Variants in BBOX1 observed in about 807,000 individuals in gnomAD.
The protein encoded by BBOX1 is gamma-butyrobetaine dioxygenase.
BBOX1 carries 35 observed loss-of-function variants against 41.6 expected under a neutral mutation model. That is an observed-to-expected ratio of 0.84 (90% CI 0.64 to 1.11). BBOX1 has a LOEUF of 1.11. Ranked by LOEUF, BBOX1 falls within the 50% of genes most tolerant of loss-of-function variation. BBOX1 has a pLI of 0.00. For synonymous variants in BBOX1, 163 were observed against 154.7 expected (o/e 1.05, Z -0.40); for missense variants, 458 against 460.6 (o/e 0.99, Z 0.05).
At chr11:27,043,035 G>T (rs1341302572) in intron 2 of BBOX1, among the ~76,000 whole-genome samples, 2 of 152,048 alleles carry the variant, frequency 1.3e-5, no homozygotes, top group Non-Finnish European at 2.9e-5. Flanking sequence ...CAACAATCTT[G>T]AGATTTAGCT....
chr11:27,105,093 G>A (rs949449499), intron 5 of BBOX1, among the ~76,000 whole-genome samples: 5 of 152,250 alleles, frequency 3.3e-5, no homozygotes, highest in South Asian at 4.1e-4. Flanking sequence ...CCATCTGTAC[G>A]TCACCATCAT....
rs190293682 is a variant in BBOX1 at position 27,091,163 on chromosome 11, C to T, written c.335-2005C>T. ...ATCTTCACAATTTATGTTCCTCTGCCGCAGCTTCAGCCAGTCCCTCCATTC... is the reference window on the plus strand; with the variant it reads ...ATCTTCACAATTTATGTTCCTCTGCTGCAGCTTCAGCCAGTCCCTCCATTC... On this transcript the variant is annotated intron_variant, in intron 4 of 8. Transcript: ENST00000263182. Among the ~76,000 whole-genome samples, 67 of 151,998 alleles carry T rather than the reference C, an allele frequency of 4.4e-4. No homozygotes were observed. In the South Asian group the frequency reaches 4.8e-3, roughly 11 times the overall value.
Position 27,057,063 on chromosome 11 carries a change from T to TAAAAAAAAAAAAAAAAAAAAAAAA in BBOX1, c.220-138_220-137insAAAAAAAAAAAAAAAAAAAAAAAA, listed in dbSNP as rs1459422645. 412 of 149,648 alleles carry TAAAAAAAAAAAAAAAAAAAAAAAA rather than the reference T, an allele frequency of 2.8e-3. 151 individuals are homozygous for TAAAAAAAAAAAAAAAAAAAAAAAA. Among genetic ancestry groups the TAAAAAAAAAAAAAAAAAAAAAAAA allele is most frequent in the Admixed American group, 4.0e-3 (21 of 5,304 alleles). 9.3% of individuals were successfully genotyped at this position (149,648 alleles called of 1,614,324 possible). ...CCTGGCAACAGAGGAAGACTCCGACTTAAAAAAAAAAAAAAAAAAAAATTA... is the reference window on the plus strand; with the variant it reads ...CCTGGCAACAGAGGAAGACTCCGACTAAAAAAAAAAAAAAAAAAAAAAAATAAAAAAAAAAAAAAAAAAAAATTA... On this transcript the variant is annotated intron_variant, in intron 3 of 8. Transcript: ENST00000263182.
intron 4 of BBOX1, among the ~76,000 whole-genome samples, chr11:27,074,809 G>A (rs891298615): frequency 9.2e-5 from 14 of 152,190 alleles, no homozygotes; most frequent in Admixed American, 3.3e-4. Flanking sequence ...ACTTTAAAAT[G>A]ATCTCCTTTG....
At position 27,067,426 on chromosome 11, in the gene BBOX1, C is replaced by T. The variant is rs540895721; in HGVS notation, c.334+10111C>T. Among the ~76,000 whole-genome samples, 5 of 152,046 alleles carry T rather than the reference C, an allele frequency of 3.3e-5. No individual in the cohort carries two copies. In the East Asian group the frequency reaches 9.8e-4, roughly 30 times the overall value. On this transcript the variant is annotated intron_variant, in intron 4 of 8. Transcript: ENST00000263182. ...GTCCATTATACCACCACTCTGCTTG[C>T]TTTTGCATACCCATAGTTGAGCTCC...
intron 6 of BBOX1, among the ~76,000 whole-genome samples, chr11:27,117,971 C>T (rs968700931): frequency 1.3e-5 from 2 of 151,946 alleles, no homozygotes; most frequent in Non-Finnish European, 2.9e-5. Flanking sequence ...TTTTCTGTCA[C>T]ACCACACTGA....
intron 2 of BBOX1, among the ~76,000 whole-genome samples, chr11:27,054,009 G>A (rs1856894848): frequency 6.6e-6 from 1 of 152,096 alleles, no homozygotes; most frequent in African/African-American, 2.4e-5. Context: ...ATGATCTGAG[G>A]AAGCATATGT....
chr11:27,050,516 T>G (rs369578372), intron 2 of BBOX1, among the ~76,000 whole-genome samples: 3 of 152,158 alleles, frequency 2.0e-5, no homozygotes, highest in African/African-American at 7.2e-5. Context: ...TGTGTCTCAT[T>G]TAATTTTTTT....
At chr11:27,074,673 C>G (rs533217673) in intron 4 of BBOX1, among the ~76,000 whole-genome samples, 8 of 152,138 alleles carry the variant, frequency 5.3e-5, no homozygotes, top group African/African-American at 1.9e-4. Flanking sequence ...CAAGATGTGA[C>G]CTGGCTGTTT....
At chr11:27,075,327 A>G (rs1329303093) in intron 4 of BBOX1, among the ~76,000 whole-genome samples, 1 of 152,052 alleles carries the variant, frequency 6.6e-6, no homozygotes, top group Non-Finnish European at 1.5e-5. Flanking sequence ...ACTGTCTCTT[A>G]TGAGGTTGGA....
chr11:27,097,147 G>T (rs879773535), intron 5 of BBOX1, among the ~76,000 whole-genome samples: 2 of 151,654 alleles, frequency 1.3e-5, no homozygotes, highest in African/African-American at 4.9e-5. Context: ...AACCTTTCGA[G>T]AATTTAAAGC....
chr11:27,103,892 T>C (rs1469832278), intron 5 of BBOX1, among the ~76,000 whole-genome samples: 1 of 152,128 alleles, frequency 6.6e-6, no homozygotes, highest in Non-Finnish European at 1.5e-5. Flanking sequence ...TAATTTTACG[T>C]TAAACTTGTT....
chr11:27,064,093 C>T (rs61130046), intron 4 of BBOX1, among the ~76,000 whole-genome samples: 2,158 of 152,222 alleles, frequency 0.014, 46 homozygotes, highest in African/African-American at 0.047. Flanking sequence ...TACATCCATT[C>T]TTGAATTCTC....
chr11:27,062,591 CCT>C lies in BBOX1; in HGVS notation c.334+5279_334+5280del, dbSNP rs536470769. ...TCTTTTTTTTTTGAGACGGAGTCTT[CCT>C]CTGTCACCAGGCTAGAGTGCAGTGG... On this transcript the variant is annotated intron_variant, in intron 4 of 8. Coordinates refer to ENST00000263182, the MANE Select transcript of BBOX1 (RefSeq NM_003986.3). Among the ~76,000 whole-genome samples the C allele has an allele frequency of 1.1e-4, 16 of 151,156 alleles. 1 individual carries two copies. The South Asian group carries it at 3.1e-3, about 29-fold the overall frequency.
Position 27,119,683 on chromosome 11 carries a change from CA to C in BBOX1, c.675del (p.Gly227ValfsTer6), listed in dbSNP as rs1176198932. ...CTTCACTGCATAAAGCAAACAGTCA[CA>C]GGGGGTGATTCAGAAATTGTAGATG... ...QLLHCIKQTV[T>X]GGDSEIVDGF... is the part of the protein sequence containing the mutation. On this transcript the variant is annotated frameshift_variant, in exon 7 of 9. Transcript: ENST00000263182. LOFTEE classifies it high-confidence loss of function. 7.7e-6 allele frequency: 12 copies of C among 1,562,492 alleles called. No individual in the cohort carries two copies. The highest frequency in any genetic ancestry group is 2.8e-5 in the African/African-American group (2 of 72,344).
intron 4 of BBOX1, among the ~76,000 whole-genome samples, chr11:27,088,185 T>C (rs2015372): frequency 0.33 from 49,738 of 151,932 alleles, 10,315 homozygotes; most frequent in African/African-American, 0.59. Flanking sequence ...CCTAATCAGA[T>C]GCTTCACTTC....
chr11:27,111,391 G>T (rs1258955092), intron 5 of BBOX1, among the ~76,000 whole-genome samples: 2 of 151,912 alleles, frequency 1.3e-5, no homozygotes. Flanking sequence ...TACCCATTGG[G>T]TACTATGCTC....
chr11:27,083,845 T>C lies in BBOX1; in HGVS notation c.335-9323T>C, dbSNP rs1857938951. On this transcript the variant is annotated intron_variant, in intron 4 of 8. Transcript: ENST00000263182. Reference sequence around the variant, plus strand: ...AAATGTGTTGTATGAGTGAAAGATTTCAACATAACATAATGAGGACTGGGA... The same window carrying C: ...AAATGTGTTGTATGAGTGAAAGATTCCAACATAACATAATGAGGACTGGGA... Among the ~76,000 whole-genome samples the C allele has an allele frequency of 3.9e-5, 6 of 152,232 alleles. No homozygotes were observed. The South Asian group carries it at 1.2e-3, about 32-fold the overall frequency.
intron 4 of BBOX1, among the ~76,000 whole-genome samples, chr11:27,070,094 A>G (rs10835110): frequency 0.41 from 62,028 of 151,896 alleles, 13,249 homozygotes; most frequent in African/African-American, 0.55. Context: ...TTTTGGAGTT[A>G]ATTTCCAGTT....
Sources: gnomAD v4.1 joint callset for allele counts (sites outside exome capture counted in the v4.1 genomes callset) on GRCh38, gnomAD v4.1.1 for gene constraint, MANE v1.5 for transcripts, NCBI Gene and HGNC (gene_info 2026-07-23, HGNC 2026-07-21) for gene names.